Variants in PIN4 observed in about 807,000 individuals in gnomAD.
PIN4 encodes peptidyl-prolyl cis-trans isomerase NIMA-interacting 4.
In PIN4, 3 loss-of-function variants were observed where a neutral mutation model predicts 8.3. That is an observed-to-expected ratio of 0.36 (90% CI 0.16 to 0.93). PIN4 has a LOEUF of 0.93. Among genes scored for constraint, PIN4 ranks in the 40% least tolerant of loss-of-function variants. The pLI, the probability that PIN4 is intolerant of heterozygous loss-of-function variation, is 0.44. For missense variants in PIN4, 75 were observed against 100.6 expected (o/e 0.75, Z 1.09); for synonymous variants, 18 against 32.5 (o/e 0.55, Z 1.52).
downstream of PIN4, among the ~76,000 whole-genome samples, chrX:72,199,480 A>C (rs181208835): frequency 3.5e-4 from 39 of 112,018 alleles, no homozygotes; most frequent in Non-Finnish European, 9.4e-5. Flanking sequence ...GGCTGCTGCA[A>C]TGAGCTGAGA....
At chrX:72,199,508 A>C (rs1012983463), downstream of PIN4, among the ~76,000 whole-genome samples, 2 of 112,065 alleles carry the variant, frequency 1.8e-5, no homozygotes, top group Non-Finnish European at 3.8e-5. Flanking sequence ...ACTACACTCC[A>C]GCCTGGGCGA....
chrX:72,248,316 A>G (rs1404086661), intron 3 of PIN4, among the ~76,000 whole-genome samples: 137 of 53,327 alleles, frequency 2.6e-3, no homozygotes, highest in African/African-American at 0.013. Context: ...AAAAAAAAAA[A>G]AAAAAAAAAA....
exon 4 of PIN4, chrX:72,263,277 A>T (rs2043146569): frequency 8.9e-6 from 1 of 112,952 alleles, no homozygotes. Flanking sequence ...GATGGATGAC[A>T]GTCCACCAGA....
intron 3 of PIN4, among the ~76,000 whole-genome samples, chrX:72,259,724 CTT>C (rs761255706): frequency 0.034 from 2,343 of 68,721 alleles, 54 homozygotes; most frequent in East Asian, 0.25. Flanking sequence ...AGGCCATATC[CTT>C]TTTTTTTTTT....
At chrX:72,212,951 A>G (rs1439336319) in intron 3 of PIN4, among the ~76,000 whole-genome samples, 1 of 112,227 alleles carries the variant, frequency 8.9e-6, no homozygotes, top group Non-Finnish European at 1.9e-5. Flanking sequence ...GTCTCAAAAA[A>G]AAAAGAATGT....
intron 3 of PIN4, among the ~76,000 whole-genome samples, chrX:72,233,160 A>G (rs1244045031): frequency 2.7e-5 from 3 of 111,574 alleles, no homozygotes; most frequent in African/African-American, 9.8e-5. Context: ...CAGATGTTAT[A>G]TACTTCCTGA....
chrX:72,185,000 G>A (rs982731709), intron 1 of PIN4, among the ~76,000 whole-genome samples: 8 of 108,413 alleles, frequency 7.4e-5, no homozygotes, highest in African/African-American at 2.3e-4. Flanking sequence ...AAAAATTAGC[G>A]GGGCGTGGTG....
chrX:72,193,431 A>T (rs1201205888), intron 2 of PIN4, among the ~76,000 whole-genome samples: 3 of 110,910 alleles, frequency 2.7e-5, no homozygotes, highest in Admixed American at 9.7e-5. Context: ...GTCCCTGAAG[A>T]CCTTTCCATG....
intron 3 of PIN4, among the ~76,000 whole-genome samples, chrX:72,257,454 A>T (rs754846518): frequency 2.6e-4 from 29 of 111,909 alleles, no homozygotes; most frequent in Non-Finnish European, 2.8e-4. Flanking sequence ...CAAAGTCATT[A>T]GGAGCACTGC....
chrX:72,239,507 A>C (rs2043038945), intron 3 of PIN4, among the ~76,000 whole-genome samples: 1 of 112,198 alleles, frequency 8.9e-6, no homozygotes, highest in Non-Finnish European at 1.9e-5. Flanking sequence ...GCGGTGGTTC[A>C]CGCCTGTAAT....
chrX:72,215,443 G>A (rs1158760639), intron 3 of PIN4, among the ~76,000 whole-genome samples: 2 of 111,957 alleles, frequency 1.8e-5, no homozygotes, highest in Non-Finnish European at 1.9e-5. Context: ...ATGCTGAAGT[G>A]TTTAGGGGGA....
chrX:72,203,820 C>CA (rs1288932733), intron 3 of PIN4, among the ~76,000 whole-genome samples: 1 of 111,500 alleles, frequency 9.0e-6, no homozygotes, highest in African/African-American at 3.3e-5. Flanking sequence ...GTGGAGTGCC[C>CA]AACACATAGT....
At chrX:72,223,930 G>C (rs2042940175) in intron 3 of PIN4, among the ~76,000 whole-genome samples, 1 of 110,987 alleles carries the variant, frequency 9.0e-6, no homozygotes, top group Admixed American at 9.6e-5. Context: ...TGTGGTCTTT[G>C]GGGACACTGG....
chrX:72,259,954 G>A (rs1243366542), intron 3 of PIN4, among the ~76,000 whole-genome samples: 1 of 107,147 alleles, frequency 9.3e-6, no homozygotes, highest in Non-Finnish European at 1.9e-5. Context: ...GGCCAGGCTG[G>A]TCTTGAACTC....
chrX:72,251,861 C>T (rs1012654123), intron 3 of PIN4, among the ~76,000 whole-genome samples: 9 of 110,223 alleles, frequency 8.2e-5, no homozygotes, highest in Non-Finnish European at 1.1e-4. Flanking sequence ...TCCGGGAGTT[C>T]GGGGCTGCAA....
At chrX:72,262,064 C>G (rs1409441200) in intron 3 of PIN4, among the ~76,000 whole-genome samples, 1 of 111,459 alleles carries the variant, frequency 9.0e-6, no homozygotes, top group Non-Finnish European at 1.9e-5. Flanking sequence ...CCCCCAAGAC[C>G]TGTATAGGTG....
chrX:72,215,964 G>A (rs2042885087), intron 3 of PIN4, among the ~76,000 whole-genome samples: 1 of 110,058 alleles, frequency 9.1e-6, no homozygotes, highest in Non-Finnish European at 1.9e-5. Flanking sequence ...GGCATTTCTG[G>A]GGATCTTTTT....
chrX:72,216,633 CTAGAT>C (rs1162187385), intron 3 of PIN4, among the ~76,000 whole-genome samples: 1 of 111,513 alleles, frequency 9.0e-6, no homozygotes, highest in Non-Finnish European at 1.9e-5. Flanking sequence ...TGTGCCTATT[CTAGAT>C]ATTTCATATA....
chrX:72,193,595 C>T (rs1377833649), intron 2 of PIN4, among the ~76,000 whole-genome samples: 4 of 110,809 alleles, frequency 3.6e-5, no homozygotes, highest in Non-Finnish European at 3.8e-5. Flanking sequence ...AGTGGCTGGG[C>T]GTGGTGGCTC....
Sources: gnomAD v4.1 joint callset for allele counts (sites outside exome capture counted in the v4.1 genomes callset) on GRCh38, gnomAD v4.1.1 for gene constraint, MANE v1.5 for transcripts, NCBI Gene and HGNC (gene_info 2026-07-23, HGNC 2026-07-21) for gene names.